C6: variants seen among roughly 807,000 people sequenced by gnomAD.
C6 encodes the protein complement component C6.
In C6, 101 loss-of-function variants were observed where a neutral mutation model predicts 112.9. That is an observed-to-expected ratio of 0.89 (90% CI 0.76 to 1.06). The LOEUF (loss-of-function observed/expected upper bound fraction) is 1.06, where lower values mean the gene tolerates loss of function less well. Among genes scored for constraint, C6 ranks in the 50% least tolerant of loss-of-function variants. The pLI is 0.00. For missense variants in C6, 1,202 were observed against 1,104.6 expected (o/e 1.09, Z -1.25); for synonymous variants, 431 against 384.1 (o/e 1.12, Z -1.43).
intron 9 of C6, among the ~76,000 whole-genome samples, chr5:41,162,487 T>C (rs1023109690): frequency 2.0e-5 from 3 of 152,242 alleles, no homozygotes; most frequent in African/African-American, 7.2e-5. Flanking sequence ...AATGTTTCTT[T>C]AGACACAATG....
chr5:41,234,246 C>T (rs4957151), intron 1 of C6, among the ~76,000 whole-genome samples: 106,587 of 151,708 alleles, frequency 0.7, 37,523 homozygotes, highest in African/African-American at 0.73. Context: ...GTAAATTCCT[C>T]GTAACAATGA....
intron 1 of C6, among the ~76,000 whole-genome samples, chr5:41,212,102 T>C (rs919031270): frequency 2.6e-5 from 4 of 152,198 alleles, no homozygotes; most frequent in Non-Finnish European, 5.9e-5. Flanking sequence ...TGGTAGCTTT[T>C]CTTTTTTAAT....
chr5:41,178,564 C>T (rs1749059755), intron 7 of C6, among the ~76,000 whole-genome samples: 1 of 142,862 alleles, frequency 7.0e-6, no homozygotes, highest in Admixed American at 7.4e-5. Context: ...CAACCTTTGC[C>T]TCCTGGGTTC....
intron 1 of C6, among the ~76,000 whole-genome samples, chr5:41,224,193 C>T (rs1739344517): frequency 6.6e-6 from 1 of 152,108 alleles, no homozygotes; most frequent in South Asian, 2.1e-4. Context: ...GGTGAGAATA[C>T]TAAATGTGCT....
chr5:41,238,657 A>T (rs537354561), intron 1 of C6, among the ~76,000 whole-genome samples: 2 of 152,188 alleles, frequency 1.3e-5, no homozygotes, highest in Admixed American at 1.3e-4. Context: ...AGCATTTGAT[A>T]ATTTTTATGG....
At chr5:41,197,235 A>C (rs917964875) in intron 4 of C6, among the ~76,000 whole-genome samples, 1 of 152,140 alleles carries the variant, frequency 6.6e-6, no homozygotes, top group African/African-American at 2.4e-5. Flanking sequence ...TCCATCTTGC[A>C]TTATGTCAGG....
At chr5:41,252,424 G>A (rs1741425273) in intron 1 of C6, among the ~76,000 whole-genome samples, 2 of 152,272 alleles carry the variant, frequency 1.3e-5, no homozygotes, top group South Asian at 4.1e-4. Context: ...AAACTGACCA[G>A]CACTAACATT....
At chr5:41,170,964 C>A (rs1748378995) in intron 9 of C6, among the ~76,000 whole-genome samples, 1 of 152,060 alleles carries the variant, frequency 6.6e-6, no homozygotes. Context: ...CATGTGAAAC[C>A]TGACATGTTC....
At chr5:41,258,291 TTATTC>T (rs1389176690) in intron 1 of C6, among the ~76,000 whole-genome samples, 1 of 152,198 alleles carries the variant, frequency 6.6e-6, no homozygotes, top group Non-Finnish European at 1.5e-5. Context: ...ATAAACTTCT[TTATTC>T]TATATGAAGT....
In C6 at chr5:41,159,238, TGTCC is replaced by T. The variant is rs753142196; in HGVS notation, c.1696_1699del (p.Gly566SerfsTer64). ...ACTCCAGGAAGACCAACAACCCCACTGTCCGTCTACTGCATCTGGAACAAAGGAA... is the reference window on the plus strand; with the variant it reads ...ACTCCAGGAAGACCAACAACCCCACTGTCTACTGCATCTGGAACAAAGGAA... On this transcript the variant is annotated frameshift_variant, in exon 12 of 18. Transcript: ENST00000337836. LOFTEE classifies it high-confidence loss of function. The T allele has an allele frequency of 1.2e-6, 2 of 1,613,216 alleles. No individual in the cohort carries two copies. Among genetic ancestry groups the T allele is most frequent in the Admixed American group, 3.3e-5 (2 of 59,906 alleles).
At position 41,241,843 on chromosome 5, in the gene C6, A is replaced by T. The variant is rs115876801; in HGVS notation, c.-21+19351T>A. Among the ~76,000 whole-genome samples the T allele has an allele frequency of 6.0e-3, 911 of 152,336 alleles. 9 individuals are homozygous for T. Among genetic ancestry groups the T allele is most frequent in the African/African-American group, 0.021 (880 of 41,572 alleles). ...ATGCTTAGTACTTAGGTAGGACAGA[A>T]CATTCACAATAGCAGCCAGCACAGT... On this transcript the variant is annotated intron_variant, in intron 1 of 17. Transcript: ENST00000263413.
At chr5:41,212,694 C>T (rs1365740412) in intron 1 of C6, among the ~76,000 whole-genome samples, 1 of 152,152 alleles carries the variant, frequency 6.6e-6, no homozygotes, top group African/African-American at 2.4e-5. Flanking sequence ...CACTTCAGTG[C>T]CATCGTAGAA....
At chr5:41,171,521 G>A (rs1230157818) in intron 9 of C6, among the ~76,000 whole-genome samples, 1 of 152,202 alleles carries the variant, frequency 6.6e-6, no homozygotes, top group East Asian at 1.9e-4. Context: ...CGGTAGAGAT[G>A]TTTAGTGGAC....
intron 1 of C6, among the ~76,000 whole-genome samples, chr5:41,208,129 A>G (rs989111948): frequency 2.0e-5 from 3 of 152,260 alleles, no homozygotes; most frequent in African/African-American, 7.2e-5. Context: ...TACTGGGTAC[A>G]TAACGAAATG....
At chr5:41,161,556 A>C (rs1226821859) in intron 10 of C6, 137 bp downstream of exon 10, 1 of 753,908 alleles carries the variant, frequency 1.3e-6, no homozygotes, top group African/African-American at 1.7e-5. Flanking sequence ...AAAAAAAGGT[A>C]CATTGTGCAT....
chr5:41,183,951 G>T (rs901276723), intron 6 of C6, among the ~76,000 whole-genome samples: 1 of 151,092 alleles, frequency 6.6e-6, no homozygotes, highest in Non-Finnish European at 1.5e-5. Flanking sequence ...ACATAAAGAT[G>T]GCAACAACAG....
intron 5 of C6, among the ~76,000 whole-genome samples, chr5:41,189,343 T>A (rs1319912135): frequency 6.6e-6 from 1 of 152,074 alleles, no homozygotes; most frequent in Non-Finnish European, 1.5e-5. Context: ...ATAGCAGCAT[T>A]ACTCATACTA....
intron 1 of C6, among the ~76,000 whole-genome samples, chr5:41,209,178 T>C (rs1250757746): frequency 6.6e-6 from 1 of 152,200 alleles, no homozygotes; most frequent in African/African-American, 2.4e-5. Flanking sequence ...CAGCACTTCA[T>C]GCTAAAAACT....
At chr5:41,163,310 CTTTTTTTTTTT>C (rs35341613) in intron 9 of C6, among the ~76,000 whole-genome samples, 1 of 134,562 alleles carries the variant, frequency 7.4e-6, no homozygotes, top group African/African-American at 2.7e-5. Flanking sequence ...TATCAATGAA[CTTTTTTTTTTT>C]TTTTTTTTGA....
Sources: allele counts gnomAD v4.1 joint callset (sites outside exome capture counted in the v4.1 genomes callset), GRCh38; gene constraint gnomAD v4.1.1; transcripts MANE v1.5; gene names NCBI Gene and HGNC (gene_info 2026-07-23, HGNC 2026-07-21).